Variants in NLGN1 observed in about 807,000 individuals in gnomAD.
The protein encoded by NLGN1 is neuroligin 1, also known as neuroligin-1.
Under a neutral mutation model 65.5 loss-of-function variants are expected in NLGN1, and 12 were observed. That is an observed-to-expected ratio of 0.18 (90% confidence interval 0.12 to 0.30). The LOEUF is 0.30. Ranked by LOEUF, NLGN1 falls within the 10% of genes least tolerant of loss-of-function variation. The probability of loss-of-function intolerance (pLI) is 1.00; values close to 1 mark genes in which losing one functional copy is unlikely to be tolerated. For missense variants in NLGN1, 750 were observed against 1,007.1 expected (o/e 0.74, Z 3.46); for synonymous variants, 350 against 359.5 (o/e 0.97, Z 0.30).
At chr3:173,650,481 A>G (rs1462053380) in intron 3 of NLGN1, among the ~76,000 whole-genome samples, 1 of 152,168 alleles carries the variant, frequency 6.6e-6, no homozygotes. Flanking sequence ...CAGAATCTAT[A>G]CCTGACTCCC....
At chr3:174,291,760 C>A in the NLGN1 span, among the ~76,000 whole-genome samples, 21 of 151,092 alleles carry the variant, frequency 1.4e-4, no homozygotes, top group East Asian at 2.3e-3. Flanking sequence ...CAGAAAAAGA[C>A]CTGTAGACAA....
intron 3 of NLGN1, among the ~76,000 whole-genome samples, chr3:173,623,467 T>C (rs747878587): frequency 2.9e-4 from 44 of 152,072 alleles, no homozygotes; most frequent in Non-Finnish European, 4.7e-4. Flanking sequence ...AGAGTTAAGA[T>C]AGCCTTGAAT....
intron 3 of NLGN1, among the ~76,000 whole-genome samples, chr3:173,647,310 A>T (rs1258428782): frequency 6.6e-6 from 1 of 152,154 alleles, no homozygotes; most frequent in Non-Finnish European, 1.5e-5. Context: ...ATAAGAATAT[A>T]GAAGATTTGA....
chr3:174,107,512 C>G (rs1431423164), intron 4 of NLGN1, among the ~76,000 whole-genome samples: 1 of 152,006 alleles, frequency 6.6e-6, no homozygotes, highest in East Asian at 1.9e-4. Context: ...GAATGATGTA[C>G]CATAGTTTGT....
intron 3 of NLGN1, chr3:173,685,869 TTAAAA>T: frequency 1.1e-6 from 1 of 890,344 alleles, no homozygotes; most frequent in Non-Finnish European, 1.3e-6. Context: ...CCTCTTACAA[TTAAAA>T]TAAAATTAAT....
intron 2 of NLGN1, among the ~76,000 whole-genome samples, chr3:173,537,978 T>C (rs1212717390): frequency 6.6e-6 from 1 of 152,188 alleles, no homozygotes; most frequent in Non-Finnish European, 1.5e-5. Flanking sequence ...GTGGCAGTAT[T>C]AGCTTCCAGG....
At chr3:174,194,536 A>G (rs1733012761) in intron 4 of NLGN1, among the ~76,000 whole-genome samples, 1 of 151,980 alleles carries the variant, frequency 6.6e-6, no homozygotes, top group Non-Finnish European at 1.5e-5. Context: ...AACTAAATCA[A>G]GATATTTAGA....
chr3:173,961,178 T>C (rs542906240), intron 4 of NLGN1, among the ~76,000 whole-genome samples: 1 of 152,244 alleles, frequency 6.6e-6, no homozygotes, highest in African/African-American at 2.4e-5. Flanking sequence ...ATATAAAATA[T>C]ACAGTATATG....
chr3:173,888,816 C>T (rs994043894), intron 4 of NLGN1, among the ~76,000 whole-genome samples: 2 of 151,980 alleles, frequency 1.3e-5, no homozygotes, highest in East Asian at 3.8e-4. Context: ...TCTGCAATAA[C>T]CCAGTTAAAA....
chr3:174,152,328 T>C (rs537610487), intron 4 of NLGN1, among the ~76,000 whole-genome samples: 1 of 152,304 alleles, frequency 6.6e-6, no homozygotes, highest in African/African-American at 2.4e-5. Flanking sequence ...TAGTGTATTT[T>C]AGATTCTTCA....
chr3:174,121,798 A>AT (rs757821224), intron 4 of NLGN1, among the ~76,000 whole-genome samples: 1 of 152,188 alleles, frequency 6.6e-6, no homozygotes, highest in South Asian at 2.1e-4. Context: ...CTTACATAGG[A>AT]TTTTATGGGG....
At chr3:173,940,304 GT>G (rs1202010193) in intron 4 of NLGN1, among the ~76,000 whole-genome samples, 1 of 151,770 alleles carries the variant, frequency 6.6e-6, no homozygotes, top group Non-Finnish European at 1.5e-5. Context: ...GGTCAGGCTG[GT>G]CTCGAACCCC....
chr3:173,802,830 A>G lies in NLGN1; in HGVS notation c.494-4850A>G, dbSNP rs369789596. On this transcript the variant is annotated intron_variant, in intron 3 of 6. Transcript: ENST00000457714. The stretch of plus-strand genomic sequence containing the variant: ...TTCCTGGGTATACAAAAAGATATAC[A>G]AAAGAATGTATATCTTTTTTTTTTT... 4.7e-4 allele frequency among the ~76,000 whole-genome samples: 71 copies of G among 151,918 alleles called. 1 individual carries two copies. The East Asian group carries it at 0.011, about 24-fold the overall frequency.
At chr3:174,113,529 A>C (rs563227838) in intron 4 of NLGN1, among the ~76,000 whole-genome samples, 23 of 152,208 alleles carry the variant, frequency 1.5e-4, no homozygotes, top group African/African-American at 5.5e-4. Context: ...CTTTCTTATC[A>C]TTCTTGCATC....
intron 3 of NLGN1, among the ~76,000 whole-genome samples, chr3:173,691,049 A>G (rs1190233786): frequency 1.3e-5 from 2 of 152,108 alleles, no homozygotes; most frequent in Non-Finnish European, 2.9e-5. Flanking sequence ...CGGGAGATGG[A>G]GGAGTGGAAG....
intron 1 of NLGN1, among the ~76,000 whole-genome samples, chr3:173,415,486 T>C (rs553426978): frequency 3.3e-5 from 5 of 152,250 alleles, no homozygotes; most frequent in Admixed American, 3.3e-4. Context: ...GGGATTGAAG[T>C]TGGATGATGT....
At chr3:173,906,872 C>CA (rs1738509369) in intron 4 of NLGN1, among the ~76,000 whole-genome samples, 8 of 56,378 alleles carry the variant, frequency 1.4e-4, no homozygotes, top group African/African-American at 2.7e-4. Flanking sequence ...AACAAACAAA[C>CA]AAAAACAAAA....
At chr3:173,519,119 A>G (rs1734340870) in intron 2 of NLGN1, among the ~76,000 whole-genome samples, 1 of 152,168 alleles carries the variant, frequency 6.6e-6, no homozygotes, top group Non-Finnish European at 1.5e-5. Context: ...CAGCTTTCAC[A>G]TGGTGATAAG....
At chr3:173,808,194 G>A (rs4432676) in intron 4 of NLGN1, among the ~76,000 whole-genome samples, 100,281 of 151,926 alleles carry the variant, frequency 0.66, 33,894 homozygotes, top group Non-Finnish European at 0.73. Context: ...CTAAGACTAA[G>A]TTTACATTCT....
Sources: gnomAD v4.1 joint callset for allele counts (sites outside exome capture counted in the v4.1 genomes callset) on GRCh38, gnomAD v4.1.1 for gene constraint, MANE v1.5 for transcripts, NCBI Gene and HGNC (gene_info 2026-07-23, HGNC 2026-07-21) for gene names.